KCNB2: variants seen among roughly 807,000 people sequenced by gnomAD.
KCNB2 encodes delayed rectifier potassium channel protein.
Under a neutral mutation model 61.5 loss-of-function variants are expected in KCNB2, and 15 were observed. That is an observed-to-expected ratio of 0.24 (90% CI 0.16 to 0.38). The LOEUF (loss-of-function observed/expected upper bound fraction) is 0.38, where lower values mean the gene tolerates loss of function less well. Among genes scored for constraint, KCNB2 ranks in the 10% least tolerant of loss-of-function variants. The pLI is 1.00. For synonymous variants in KCNB2, 457 were observed against 446.0 expected, an observed-to-expected ratio of 1.02 and a Z score of -0.31; for missense variants, 828 against 1,125.2, an observed-to-expected ratio of 0.74 and a Z score of 3.78.
At position 72,696,618 on chromosome 8, in the gene KCNB2, G is replaced by C. The variant is rs796941550; in HGVS notation, c.579+128305G>C. On this transcript the variant is annotated intron_variant, in intron 2 of 2. Transcript: ENST00000523207. ...AGGTATAGTGGAAGAACCCGTGGAT[G>C]GAGAGAGCAGCCTGAGGTCACCTGG... is the stretch of plus-strand genomic sequence containing the variant. Among the ~76,000 whole-genome samples the C allele has an allele frequency of 2.4e-4, 37 of 152,226 alleles. 1 individual carries two copies. Among genetic ancestry groups the C allele is most frequent in the African/African-American group, 8.4e-4 (35 of 41,554 alleles).
rs537957192 is a variant in KCNB2 at position 72,579,960 on chromosome 8, G to C, written c.579+11647G>C. On this transcript the variant is annotated intron_variant, in intron 2 of 2. Transcript: ENST00000523207. ...CTCACATCCCCTCAGTAATTAATAT[G>C]ACTTTCTCAAAACAGCAGGAGGGGA... 2.8e-3 allele frequency among the ~76,000 whole-genome samples: 419 copies of C among 152,308 alleles called. 4 individuals carry two copies. Among genetic ancestry groups the C allele is most frequent in the African/African-American group, 9.0e-3 (373 of 41,566 alleles).
At chr8:72,907,491 A>G (rs527801556) in intron 2 of KCNB2, among the ~76,000 whole-genome samples, 5 of 152,208 alleles carry the variant, frequency 3.3e-5, no homozygotes. Context: ...AGATGGATGG[A>G]ACAGATAAAG....
intron 2 of KCNB2, among the ~76,000 whole-genome samples, chr8:72,824,313 G>C (rs2129001351): frequency 6.6e-6 from 1 of 152,126 alleles, no homozygotes; most frequent in South Asian, 2.1e-4. Context: ...CTGGCTTCCT[G>C]CTCCTCAGCC....
At chr8:72,807,207 G>A (rs1419444938) in intron 2 of KCNB2, among the ~76,000 whole-genome samples, 8 of 152,156 alleles carry the variant, frequency 5.3e-5, no homozygotes, top group Non-Finnish European at 1.0e-4. Flanking sequence ...CAGAGATATG[G>A]TTCACAGCAC....
intron 2 of KCNB2, among the ~76,000 whole-genome samples, chr8:72,820,800 A>G (rs1744134580): frequency 6.6e-6 from 1 of 152,102 alleles, no homozygotes; most frequent in Admixed American, 6.6e-5. Flanking sequence ...TTTATAATAA[A>G]CTTTCATTTT....
At chr8:72,598,148 A>C (rs1807229963) in intron 2 of KCNB2, among the ~76,000 whole-genome samples, 1 of 152,202 alleles carries the variant, frequency 6.6e-6, no homozygotes, top group Admixed American at 6.5e-5. Context: ...ACACAACAAA[A>C]AAAGAGAATT....
At chr8:72,643,260 A>T (rs1482906591) in intron 2 of KCNB2, among the ~76,000 whole-genome samples, 1 of 152,178 alleles carries the variant, frequency 6.6e-6, no homozygotes, top group Non-Finnish European at 1.5e-5. Flanking sequence ...AACTTCTCGT[A>T]TGTGCCAGGC....
rs569742093 is a variant in KCNB2, at chr8:72,788,183, G to A, written c.580-147752G>A. 6.6e-5 allele frequency among the ~76,000 whole-genome samples: 10 copies of A among 152,230 alleles called. No individual in the cohort carries two copies. In the South Asian group the frequency reaches 1.7e-3, roughly 25 times the overall value. ...TTTTATAGCGAAAATTGTAACCCAG[G>A]TGCATTGGTCTCTTTGGCCTGCATA... On this transcript the variant is annotated intron_variant, in intron 2 of 2. Coordinates refer to ENST00000523207, the MANE Select transcript of KCNB2 (RefSeq NM_004770.3).
At chr8:72,673,823 C>CAG (rs1806605066) in intron 2 of KCNB2, among the ~76,000 whole-genome samples, 1 of 152,060 alleles carries the variant, frequency 6.6e-6, no homozygotes, top group African/African-American at 2.4e-5. Flanking sequence ...TTAAGGGGTA[C>CAG]AGAGTTTCAG....
intron 2 of KCNB2, among the ~76,000 whole-genome samples, chr8:72,667,346 G>T (rs1806493508): frequency 6.6e-6 from 1 of 152,138 alleles, no homozygotes; most frequent in African/African-American, 2.4e-5. Context: ...TGTGCTTTAA[G>T]TATTATTCAT....
chr8:72,793,052 T>A (rs1808972183), intron 2 of KCNB2, among the ~76,000 whole-genome samples: 1 of 152,250 alleles, frequency 6.6e-6, no homozygotes, highest in Admixed American at 6.5e-5. Flanking sequence ...TTCTTGTTTG[T>A]TAAGCAACTA....
intron 2 of KCNB2, among the ~76,000 whole-genome samples, chr8:72,591,126 C>T (rs771921710): frequency 6.6e-6 from 1 of 152,068 alleles, no homozygotes; most frequent in Non-Finnish European, 1.5e-5. Context: ...TTTGTTAACT[C>T]CTTTGAAAAT....
Position 72,568,291 on chromosome 8 carries a change from C to A in KCNB2, c.557C>A (p.Pro186His). ...AAACTGTGGGACTTGCTGGAGAAAC[C>A]TAACTCATCAGTGGCTGCAAAGGTA... ...RKKLWDLLEK[P>H]NSSVAAKILA... The change falls in exon 2 of 3, where the codon CCT (proline) becomes CAT (histidine). Residue 186 changes from proline (P) to histidine (H), a missense_variant. Pro to His is a moderately conservative substitution (Grantham distance 77, BLOSUM62 -2). Coordinates refer to ENST00000523207, the MANE Select transcript of KCNB2 (RefSeq NM_004770.3). 6.2e-7 allele frequency: 1 copy of A among 1,611,708 alleles called. No homozygotes were observed. Among genetic ancestry groups the A allele is most frequent in the Non-Finnish European group, 8.5e-7 (1 of 1,179,314 alleles).
At chr8:72,632,082 A>T (rs969696232) in intron 2 of KCNB2, among the ~76,000 whole-genome samples, 7 of 150,294 alleles carry the variant, frequency 4.7e-5, no homozygotes, top group Non-Finnish European at 1.0e-4. Flanking sequence ...TTAAAAAAAG[A>T]TTTTTTTTTT....
At chr8:72,892,839 G>A (rs1292183854) in intron 2 of KCNB2, among the ~76,000 whole-genome samples, 1 of 152,046 alleles carries the variant, frequency 6.6e-6, no homozygotes, top group Non-Finnish European at 1.5e-5. Context: ...CAGCCATTAG[G>A]TTGTAAATTA....
chr8:72,548,601 G>T (rs575438718), intron 1 of KCNB2, among the ~76,000 whole-genome samples: 1 of 152,242 alleles, frequency 6.6e-6, no homozygotes, highest in Non-Finnish European at 1.5e-5. Flanking sequence ...TTATAGGCCT[G>T]CTTCTTCCCA....
At chr8:72,666,155 C>A (rs1046027450) in intron 2 of KCNB2, among the ~76,000 whole-genome samples, 1 of 152,200 alleles carries the variant, frequency 6.6e-6, no homozygotes, top group African/African-American at 2.4e-5. Flanking sequence ...GAGCCTGCAA[C>A]TTTCTTTTCT....
At chr8:72,720,399 C>G (rs1292664899) in intron 2 of KCNB2, among the ~76,000 whole-genome samples, 1 of 152,188 alleles carries the variant, frequency 6.6e-6, no homozygotes, top group East Asian at 1.9e-4. Flanking sequence ...AGTGGTTTCT[C>G]TAAATTTCCC....
chr8:72,619,019 C>G, intron 2 of KCNB2: 1 of 320,146 alleles, frequency 3.1e-6, no homozygotes, highest in Non-Finnish European at 6.1e-6. Flanking sequence ...CATCCCTGTT[C>G]TGAAGATGAC....
Sources: allele counts gnomAD v4.1 joint callset (sites outside exome capture counted in the v4.1 genomes callset), GRCh38; gene constraint gnomAD v4.1.1; transcripts MANE v1.5; gene names NCBI Gene and HGNC (gene_info 2026-07-23, HGNC 2026-07-21).